Variants in UNC5C observed in about 807,000 individuals in gnomAD.
UNC5C encodes the protein unc-5 netrin receptor C.
In UNC5C, 47 loss-of-function variants were observed where a neutral mutation model predicts 99.8. The observed-to-expected ratio is 0.47, with a 90% confidence interval of 0.37 to 0.60. The LOEUF is 0.60. Ranked by LOEUF, UNC5C falls within the 20% of genes least tolerant of loss-of-function variation. UNC5C has a pLI of 0.00. For missense variants in UNC5C, 1,062 were observed against 1,165.9 expected, an observed-to-expected ratio of 0.91 and a Z score of 1.30; for synonymous variants, 487 against 452.2, an observed-to-expected ratio of 1.08 and a Z score of -0.98.
rs185641838 is a variant in UNC5C, at chr4:95,545,548, T to C, written c.124+3186A>G. Among the ~76,000 whole-genome samples the C allele has an allele frequency of 2.0e-5, 3 of 151,112 alleles. No individual in the cohort carries two copies. In the East Asian group the frequency reaches 5.8e-4, roughly 29 times the overall value. Reference sequence around the variant, plus strand: ...TACTCTTTTGTAGGAAGACATATGTTATTTAAAAAAAAAAACTATGAATTA... The same window carrying C: ...TACTCTTTTGTAGGAAGACATATGTCATTTAAAAAAAAAAACTATGAATTA... On this transcript the variant is annotated intron_variant, in intron 1 of 15. Transcript: ENST00000453304.
At chr4:95,280,289 G>A (rs949117373) in intron 3 of UNC5C, among the ~76,000 whole-genome samples, 1 of 152,214 alleles carries the variant, frequency 6.6e-6, no homozygotes, top group African/African-American at 2.4e-5. Context: ...GAAAATCATA[G>A]ATCTATGAGG....
chr4:95,411,376 A>G (rs548210072), intron 1 of UNC5C, among the ~76,000 whole-genome samples: 13 of 152,074 alleles, frequency 8.5e-5, no homozygotes, highest in African/African-American at 3.1e-4. Context: ...TTTTAAAGAG[A>G]AAGTTATCTT....
At chr4:95,174,166 A>G (rs185207276) in intron 14 of UNC5C, among the ~76,000 whole-genome samples, 83 of 151,618 alleles carry the variant, frequency 5.5e-4, no homozygotes, top group African/African-American at 1.7e-3. Flanking sequence ...CAGTCTATCA[A>G]TTTTATGGAT....
intron 1 of UNC5C, among the ~76,000 whole-genome samples, chr4:95,460,984 T>C (rs1244236075): frequency 2.0e-5 from 3 of 152,220 alleles, no homozygotes; most frequent in African/African-American, 4.8e-5. Context: ...GCATACTTTC[T>C]ATGTAGGCAC....
At chr4:95,475,534 G>T (rs997934150) in intron 1 of UNC5C, among the ~76,000 whole-genome samples, 3 of 136,408 alleles carry the variant, frequency 2.2e-5, no homozygotes, top group African/African-American at 9.8e-5. Context: ...AAGACAGACA[G>T]ATAGACAGAC....
At chr4:95,486,022 G>A (rs1721318778) in intron 1 of UNC5C, among the ~76,000 whole-genome samples, 1 of 151,632 alleles carries the variant, frequency 6.6e-6, no homozygotes, top group African/African-American at 2.4e-5. Context: ...ATATTTTTCT[G>A]AAAAATATTA....
intron 2 of UNC5C, among the ~76,000 whole-genome samples, chr4:95,325,788 T>C (rs1742860801): frequency 6.6e-6 from 1 of 152,114 alleles, no homozygotes. Context: ...CTTATGTTAT[T>C]ATGTTAAAGA....
At chr4:95,274,369 G>C (rs897018460) in intron 4 of UNC5C, among the ~76,000 whole-genome samples, 1 of 152,140 alleles carries the variant, frequency 6.6e-6, no homozygotes, top group Non-Finnish European at 1.5e-5. Flanking sequence ...GCCCCCAAGA[G>C]TCTGCTCTCG....
At chr4:95,227,058 T>A (rs1434168293) in intron 7 of UNC5C, among the ~76,000 whole-genome samples, 3 of 152,076 alleles carry the variant, frequency 2.0e-5, no homozygotes, top group Non-Finnish European at 4.4e-5. Flanking sequence ...CTGGGTACAG[T>A]GTGGCCTCAG....
intron 15 of UNC5C, 85 bp downstream of exon 15, chr4:95,170,069 A>G (rs1423923693): frequency 3.3e-6 from 5 of 1,505,762 alleles, no homozygotes; most frequent in Non-Finnish European, 1.8e-6. Context: ...GGAAAAAAAA[A>G]TGAAGCTAAC....
chr4:95,532,511 G>A (rs1314305256), intron 1 of UNC5C, among the ~76,000 whole-genome samples: 2 of 151,478 alleles, frequency 1.3e-5, no homozygotes, highest in Non-Finnish European at 1.5e-5. Context: ...ATCACATCCT[G>A]GAGACACCAG....
chr4:95,218,912 G>C (rs1245761430), intron 9 of UNC5C, 57 bp downstream of exon 9: 8 of 1,493,842 alleles, frequency 5.4e-6, no homozygotes, highest in African/African-American at 1.4e-5. Context: ...AAAAGATTTT[G>C]GTATGGAAAA....
chr4:95,230,227 G>C (rs1010402482), intron 7 of UNC5C, among the ~76,000 whole-genome samples: 2 of 151,964 alleles, frequency 1.3e-5, no homozygotes, highest in African/African-American at 4.8e-5. Flanking sequence ...CATGTTTGTT[G>C]GCTGCATAAA....
intron 3 of UNC5C, among the ~76,000 whole-genome samples, chr4:95,288,439 C>T (rs1741322395): frequency 6.6e-6 from 1 of 152,260 alleles, no homozygotes; most frequent in East Asian, 1.9e-4. Context: ...TCAAGCTCAC[C>T]AGCTATTTAG....
intron 1 of UNC5C, among the ~76,000 whole-genome samples, chr4:95,354,468 C>CATATATATATATATATATATATATATAT (rs1553965986): frequency 3.1e-5 from 3 of 98,210 alleles, no homozygotes; most frequent in African/African-American, 1.9e-4. Flanking sequence ...CTAACTCTTC[C>CATATATATATATATATATATATATATAT]ATATATATAT....
chr4:95,436,542 T>C (rs1053281444), intron 1 of UNC5C, among the ~76,000 whole-genome samples: 3 of 151,992 alleles, frequency 2.0e-5, no homozygotes, highest in African/African-American at 2.4e-5. Context: ...GGCACTTTTT[T>C]TGAGGCAGTC....
chr4:95,364,562 T>G (rs1360132693), intron 1 of UNC5C, among the ~76,000 whole-genome samples: 1 of 152,156 alleles, frequency 6.6e-6, no homozygotes, highest in Non-Finnish European at 1.5e-5. Context: ...TATATGTAAT[T>G]TTACCTGCTG....
At chr4:95,344,546 A>G (rs1743699962) in intron 1 of UNC5C, among the ~76,000 whole-genome samples, 1 of 152,120 alleles carries the variant, frequency 6.6e-6, no homozygotes, top group South Asian at 2.1e-4. Flanking sequence ...AACACACAAT[A>G]TTATAACGTT....
At chr4:95,423,874 A>C (rs920116229) in intron 1 of UNC5C, among the ~76,000 whole-genome samples, 2 of 152,182 alleles carry the variant, frequency 1.3e-5, no homozygotes, top group Non-Finnish European at 2.9e-5. Context: ...TAATCTTCTA[A>C]AGTTAAGGAT....
Sources: allele counts gnomAD v4.1 joint callset (sites outside exome capture counted in the v4.1 genomes callset), GRCh38; gene constraint gnomAD v4.1.1; transcripts MANE v1.5; gene names NCBI Gene and HGNC (gene_info 2026-07-23, HGNC 2026-07-21).